Variants in CNBD1 observed in about 807,000 individuals in gnomAD.
CNBD1 encodes the protein cyclic nucleotide-binding domain-containing protein 1.
Under a neutral mutation model 54.4 loss-of-function variants are expected in CNBD1, and 71 were observed. The ratio of observed to expected loss-of-function variants is 1.30; its 90% CI spans 1.08 to 1.59. The LOEUF (loss-of-function observed/expected upper bound fraction) is 1.59. CNBD1 is among the 40% of genes most tolerant of loss of function. CNBD1 has a pLI of 0.00. For synonymous variants in CNBD1, 182 were observed against 170.7 expected (o/e 1.07, Z -0.51); for missense variants, 659 against 518.0 (o/e 1.27, Z -2.64).
intron 6 of CNBD1, among the ~76,000 whole-genome samples, chr8:87,248,959 G>T (rs1342162663): frequency 1.3e-5 from 2 of 152,146 alleles, no homozygotes; most frequent in South Asian, 2.1e-4. Context: ...CCTGCCACCA[G>T]ATGCAACTAT....
intron 5 of CNBD1, among the ~76,000 whole-genome samples, chr8:87,223,657 T>C (rs1814401988): frequency 6.6e-6 from 1 of 152,046 alleles, no homozygotes; most frequent in Admixed American, 6.6e-5. Flanking sequence ...GACATTTGGG[T>C]TGGTTCCAAG....
At chr8:87,370,392 T>C (rs955983075) in intron 10 of CNBD1, among the ~76,000 whole-genome samples, 1 of 152,152 alleles carries the variant, frequency 6.6e-6, no homozygotes, top group East Asian at 1.9e-4. Flanking sequence ...GCACCTGTTG[T>C]TTCCTGACTT....
At chr8:87,003,777 C>T (rs934093838) in intron 4 of CNBD1, among the ~76,000 whole-genome samples, 3 of 152,134 alleles carry the variant, frequency 2.0e-5, no homozygotes, top group Non-Finnish European at 4.4e-5. Context: ...CTAGGGTCAC[C>T]TGCTGGCTGT....
At chr8:87,099,419 A>G (rs1811385680) in intron 4 of CNBD1, among the ~76,000 whole-genome samples, 1 of 152,198 alleles carries the variant, frequency 6.6e-6, no homozygotes, top group South Asian at 2.1e-4. Context: ...CAAAGGAATC[A>G]CTTGGCTATT....
chr8:87,363,891 G>T (rs959076522), intron 10 of CNBD1, among the ~76,000 whole-genome samples: 2 of 150,750 alleles, frequency 1.3e-5, no homozygotes. Context: ...GGCTTTTGTT[G>T]TCATTGCTTT....
chr8:87,381,930 A>G (rs577785436), intron 10 of CNBD1, among the ~76,000 whole-genome samples: 26 of 152,088 alleles, frequency 1.7e-4, no homozygotes, highest in African/African-American at 5.8e-4. Context: ...GCTGTACAAC[A>G]TTCTACCTAT....
intron 6 of CNBD1, among the ~76,000 whole-genome samples, chr8:87,246,470 T>A (rs781205157): frequency 2.0e-5 from 3 of 152,154 alleles, no homozygotes; most frequent in Non-Finnish European, 4.4e-5. Flanking sequence ...GAGAATTTGG[T>A]CTTAATCTCT....
At chr8:87,428,456 A>G in intron 2 of CNBD1, 1 of 324,110 alleles carries the variant, frequency 3.1e-6, no homozygotes, top group Non-Finnish European at 6.1e-6. Flanking sequence ...ACTATTTTGA[A>G]ATATTGATAA....
intron 4 of CNBD1, chr8:86,939,956 G>T (rs57065521): frequency 5.4e-6 from 2 of 368,052 alleles, no homozygotes; most frequent in Admixed American, 4.5e-5. Context: ...GGTGTATCAC[G>T]GATATAATGC....
chr8:86,974,839 T>C (rs1808305432), intron 4 of CNBD1, among the ~76,000 whole-genome samples: 1 of 152,076 alleles, frequency 6.6e-6, no homozygotes, highest in Non-Finnish European at 1.5e-5. Context: ...TAGTTTATTA[T>C]TTCAAATTTA....
chr8:87,212,752 T>G (rs923605323), intron 5 of CNBD1, among the ~76,000 whole-genome samples: 2 of 152,072 alleles, frequency 1.3e-5, no homozygotes, highest in Non-Finnish European at 2.9e-5. Context: ...CTATAAAACT[T>G]TTAGAAGAAA....
chr8:87,210,134 T>TA (rs1814062486), intron 5 of CNBD1, among the ~76,000 whole-genome samples: 1 of 152,210 alleles, frequency 6.6e-6, no homozygotes, highest in Non-Finnish European at 1.5e-5. Flanking sequence ...AGTGACGACT[T>TA]ACAGTATCTG....
intron 4 of CNBD1, among the ~76,000 whole-genome samples, chr8:87,174,609 A>G (rs1651430595): frequency 6.6e-6 from 1 of 152,124 alleles, no homozygotes; most frequent in Non-Finnish European, 1.5e-5. Flanking sequence ...AGGTCATCTT[A>G]TCCTGGATGG....
chr8:86,869,555 G>C (rs940389406), intron 1 of CNBD1, among the ~76,000 whole-genome samples: 1 of 152,180 alleles, frequency 6.6e-6, no homozygotes, highest in Non-Finnish European at 1.5e-5. Context: ...TTTGCTGCTT[G>C]TGGTTCTTTC....
chr8:87,277,196 G>A (rs1051944490), intron 6 of CNBD1, among the ~76,000 whole-genome samples: 13 of 151,620 alleles, frequency 8.6e-5, no homozygotes, highest in African/African-American at 3.1e-4. Context: ...GTTTCAGTAT[G>A]ATGGCTGAAA....
intron 4 of CNBD1, among the ~76,000 whole-genome samples, chr8:87,180,165 T>A (rs1324889614): frequency 1.3e-5 from 2 of 151,798 alleles, no homozygotes; most frequent in African/African-American, 4.8e-5. Flanking sequence ...GAAAAAAAAA[T>A]ACCCAAGCCA....
chr8:87,024,328 T>A (rs1235419330), intron 4 of CNBD1, among the ~76,000 whole-genome samples: 1 of 151,564 alleles, frequency 6.6e-6, no homozygotes, highest in Non-Finnish European at 1.5e-5. Flanking sequence ...TTATTTTATT[T>A]ATTTTTATAA....
intron 4 of CNBD1, among the ~76,000 whole-genome samples, chr8:87,115,892 C>T (rs985320752): frequency 3.3e-5 from 5 of 152,102 alleles, no homozygotes; most frequent in African/African-American, 1.2e-4. Flanking sequence ...GTGCATCGGG[C>T]CTTCTGTCAT....
intron 4 of CNBD1, among the ~76,000 whole-genome samples, chr8:87,158,419 G>T (rs746846631): frequency 1.2e-4 from 18 of 152,160 alleles, no homozygotes; most frequent in Non-Finnish European, 2.1e-4. Flanking sequence ...ATGCAGTGCT[G>T]TCAAAGGTAT....
Sources: gnomAD v4.1 joint callset for allele counts (sites outside exome capture counted in the v4.1 genomes callset) on GRCh38, gnomAD v4.1.1 for gene constraint, MANE v1.5 for transcripts, NCBI Gene and HGNC (gene_info 2026-07-23, HGNC 2026-07-21) for gene names.